DLG2: variants seen among roughly 807,000 people sequenced by gnomAD.
DLG2 encodes the protein disks large homolog 2.
In DLG2, 45 loss-of-function variants were observed where a neutral mutation model predicts 132.5. The ratio of observed to expected loss-of-function variants is 0.34; its 90% confidence interval spans 0.27 to 0.44. The LOEUF is 0.44. Ranked by LOEUF, DLG2 falls within the 20% of genes least tolerant of loss-of-function variation. DLG2 has a pLI of 1.00. For missense variants in DLG2, 1,045 were observed against 1,196.9 expected, an observed-to-expected ratio of 0.87 and a Z score of 1.87; for synonymous variants, 424 against 419.6, an observed-to-expected ratio of 1.01 and a Z score of -0.13.
In DLG2 at chr11:85,466,052, G is replaced by T. The variant is rs1251440279; in HGVS notation, c.40+132605C>A. 2.0e-5 allele frequency among the ~76,000 whole-genome samples: 3 copies of T among 152,142 alleles called. No homozygotes were observed. The East Asian group carries it at 5.8e-4, about 29-fold the overall frequency. ...GGTTTTGATTTGCATTTCTCTGATG[G>T]CCAGTGATGATGAGCATGTTTTCAT... On this transcript the variant is annotated intron_variant, in intron 3 of 27. Transcript: ENST00000376104.
chr11:84,609,491 G>C (rs1274327334), intron 6 of DLG2, among the ~76,000 whole-genome samples: 2 of 152,086 alleles, frequency 1.3e-5, no homozygotes, highest in Non-Finnish European at 2.9e-5. Flanking sequence ...AATATAAACT[G>C]TGCTATCTGA....
intron 3 of DLG2, among the ~76,000 whole-genome samples, chr11:85,376,402 A>T (rs772036846): frequency 1.4e-4 from 21 of 152,200 alleles, no homozygotes; most frequent in Non-Finnish European, 2.8e-4. Context: ...GAAAGAGGCT[A>T]AGAGGACTCT....
chr11:84,756,257 A>G (rs1278165255), intron 6 of DLG2, among the ~76,000 whole-genome samples: 2 of 152,214 alleles, frequency 1.3e-5, no homozygotes, highest in South Asian at 2.1e-4. Context: ...GAAAGAAGCA[A>G]TAAGTGGTTG....
At chr11:84,797,682 T>G (rs552207821) in intron 6 of DLG2, among the ~76,000 whole-genome samples, 46 of 152,340 alleles carry the variant, frequency 3.0e-4, no homozygotes, top group Admixed American at 2.8e-3. Context: ...TTGGATTGTC[T>G]GAAAGGTTAC....
intron 15 of DLG2, among the ~76,000 whole-genome samples, chr11:83,909,382 A>G (rs1299825957): frequency 3.9e-5 from 6 of 152,190 alleles, no homozygotes; most frequent in Non-Finnish European, 7.4e-5. Context: ...GTAATTAATC[A>G]GAGAAATGAG....
intron 8 of DLG2, among the ~76,000 whole-genome samples, chr11:84,240,299 C>A (rs1323221001): frequency 6.6e-6 from 1 of 152,184 alleles, no homozygotes; most frequent in Non-Finnish European, 1.5e-5. Flanking sequence ...GGACAGCTAA[C>A]CTAGGGACTG....
intron 8 of DLG2, among the ~76,000 whole-genome samples, chr11:84,164,858 A>G (rs1396902861): frequency 1.3e-5 from 2 of 152,200 alleles, no homozygotes; most frequent in Non-Finnish European, 2.9e-5. Flanking sequence ...CTGTTTTACT[A>G]CATTATCAAA....
intron 6 of DLG2, among the ~76,000 whole-genome samples, chr11:84,760,931 C>G: frequency 6.6e-6 from 1 of 152,136 alleles, no homozygotes; most frequent in Admixed American, 6.5e-5. Context: ...CCATCCATCT[C>G]GCTGAGAGCC....
intron 19 of DLG2, among the ~76,000 whole-genome samples, chr11:83,542,736 A>G (rs1592818294): frequency 6.6e-6 from 1 of 152,168 alleles, no homozygotes; most frequent in African/African-American, 2.4e-5. Context: ...GTCATCATTA[A>G]GAGGTGAACA....
chr11:85,510,425 G>C (rs1458198557), intron 3 of DLG2, among the ~76,000 whole-genome samples: 3 of 152,006 alleles, frequency 2.0e-5, no homozygotes, highest in Non-Finnish European at 4.4e-5. Flanking sequence ...CCATCAGAGT[G>C]AACAGGCAAC....
At chr11:83,898,525 T>G (rs781458532) in intron 15 of DLG2, among the ~76,000 whole-genome samples, 9 of 152,256 alleles carry the variant, frequency 5.9e-5, no homozygotes, top group Non-Finnish European at 1.0e-4. Context: ...CATTAGTCTA[T>G]GCTAGTATTG....
At chr11:85,507,435 G>T (rs1039719662) in intron 3 of DLG2, among the ~76,000 whole-genome samples, 1 of 152,154 alleles carries the variant, frequency 6.6e-6, no homozygotes, top group Non-Finnish European at 1.5e-5. Context: ...GCATTTGCTT[G>T]TCTGTAAAGG....
intron 18 of DLG2, among the ~76,000 whole-genome samples, chr11:83,734,473 T>C (rs1027136339): frequency 6.6e-6 from 1 of 150,670 alleles, no homozygotes; most frequent in Non-Finnish European, 1.5e-5. Flanking sequence ...TTCTTTCAGA[T>C]GTAGCCTTGC....
chr11:84,801,882 G>C (rs1283950632), intron 6 of DLG2, among the ~76,000 whole-genome samples: 2 of 152,148 alleles, frequency 1.3e-5, no homozygotes, highest in Non-Finnish European at 2.9e-5. Flanking sequence ...TTGGTATTGA[G>C]AACACATCAA....
At chr11:83,915,207 G>T (rs1188160061) in intron 15 of DLG2, among the ~76,000 whole-genome samples, 2 of 152,164 alleles carry the variant, frequency 1.3e-5, no homozygotes, top group African/African-American at 2.4e-5. Context: ...CAACCTTAGT[G>T]CAAATGAATT....
At chr11:83,879,186 C>T (rs1489053332) in intron 15 of DLG2, among the ~76,000 whole-genome samples, 1 of 152,160 alleles carries the variant, frequency 6.6e-6, no homozygotes, top group African/African-American at 2.4e-5. Context: ...TTTAAATTTT[C>T]TCCTTCTCTG....
intron 7 of DLG2, among the ~76,000 whole-genome samples, chr11:84,425,966 T>C (rs1159266176): frequency 6.6e-6 from 1 of 152,124 alleles, no homozygotes; most frequent in Admixed American, 6.6e-5. Context: ...TTTGTTGTTG[T>C]TGTTGTTTTT....
chr11:84,749,776 G>A (rs906037752), intron 6 of DLG2, among the ~76,000 whole-genome samples: 1 of 152,112 alleles, frequency 6.6e-6, no homozygotes, highest in African/African-American at 2.4e-5. Flanking sequence ...TCTTCCCAGG[G>A]AGAAAGTTAA....
chr11:84,020,072 G>A (rs986202551), intron 11 of DLG2, among the ~76,000 whole-genome samples: 2 of 152,084 alleles, frequency 1.3e-5, no homozygotes, highest in African/African-American at 4.8e-5. Context: ...CAGGACTAGA[G>A]GTGGCCAGGA....
Sources: allele counts gnomAD v4.1 joint callset (sites outside exome capture counted in the v4.1 genomes callset), GRCh38; gene constraint gnomAD v4.1.1; transcripts MANE v1.5; gene names NCBI Gene and HGNC (gene_info 2026-07-23, HGNC 2026-07-21).